The following MINDY2 variants were observed in gnomAD, a reference collection of about 807,000 sequenced individuals.
The protein encoded by MINDY2 is MINDY lysine 48 deubiquitinase 2, also known as ubiquitin carboxyl-terminal hydrolase MINDY-2.
MINDY2 carries 52 observed loss-of-function variants against 68.2 expected under a neutral mutation model. That is an observed-to-expected ratio of 0.76 (90% CI 0.61 to 0.96). MINDY2 has a LOEUF of 0.96. Among genes scored for constraint, MINDY2 ranks in the 40% least tolerant of loss-of-function variants. The probability of loss-of-function intolerance (pLI) is 0.00; values close to 1 mark genes in which losing one functional copy is unlikely to be tolerated. For missense variants in MINDY2, 881 were observed against 773.4 expected, an observed-to-expected ratio of 1.14 and a Z score of -1.65; for synonymous variants, 372 against 303.0, an observed-to-expected ratio of 1.23 and a Z score of -2.36.
chr15:58,774,344 C>A (rs775085372), intron 1 of MINDY2, among the ~76,000 whole-genome samples: 1 of 151,934 alleles, frequency 6.6e-6, no homozygotes, highest in Non-Finnish European at 1.5e-5. Context: ...ATTAGACGGG[C>A]ATGGTGGTGG....
rs1445126042 is a variant in MINDY2, at chr15:58,855,895, G to A, written c.*1285G>A. On this transcript the variant is annotated 3_prime_UTR_variant, in exon 9 of 9. Coordinates refer to ENST00000559228, the MANE Select transcript of MINDY2 (RefSeq NM_001040450.3). ...AGATCGCCCTGCTGCACTCCAGCCT[G>A]GGTGACAGAGGGAGACTCCGTCTCA... 3 of 152,428 alleles carry A rather than the reference G, an allele frequency of 2.0e-5. No individual in the cohort carries two copies. The highest frequency in any genetic ancestry group is 7.2e-5 in the African/African-American group (3 of 41,412). 9.4% of individuals were successfully genotyped at this position (152,428 alleles called of 1,614,324 possible). A position where few individuals can be genotyped will look rare whatever the true frequency, so the allele number is the denominator to read the frequency against.
chr15:58,775,882 A>G (rs1270802792), intron 1 of MINDY2, among the ~76,000 whole-genome samples: 2 of 143,540 alleles, frequency 1.4e-5, no homozygotes, highest in African/African-American at 5.3e-5. Context: ...TTTTTTTGAG[A>G]CAGAGTCTCA....
intron 2 of MINDY2, among the ~76,000 whole-genome samples, chr15:58,790,995 C>T (rs1201884933): frequency 1.3e-5 from 2 of 151,324 alleles, no homozygotes; most frequent in East Asian, 1.9e-4. Context: ...CTGGCTAACA[C>T]GGTGAAACCC....
chr15:58,849,013 C>T (rs1229596480), intron 7 of MINDY2, among the ~76,000 whole-genome samples: 1 of 151,898 alleles, frequency 6.6e-6, no homozygotes, highest in Non-Finnish European at 1.5e-5. Context: ...AGTTCAAGAC[C>T]AGCCTGGCCA....
intron 6 of MINDY2, among the ~76,000 whole-genome samples, chr15:58,841,039 T>A (rs1362769456): frequency 6.6e-6 from 1 of 151,052 alleles, no homozygotes; most frequent in East Asian, 1.9e-4. Context: ...TAGAGTGCAG[T>A]GGCATGATCT....
At position 58,851,903 on chromosome 15, in the gene MINDY2, C is replaced by G. The variant is rs758469829; in HGVS notation, c.1675C>G (p.Gln559Glu). ...AGAGGAAGAGGACAGACGGGCTTCT[C>G]AATACTATCAGGAACAGGAACAAGC... Reference protein sequence around the residue: ...LQEEEDRRASQYYQEQEQAAA... With the variant: ...LQEEEDRRASEYYQEQEQAAA... Residue 559 changes from glutamine (Q) to glutamate (E), a missense_variant, in exon 8 of 9, where the codon CAA becomes GAA. Transcript: ENST00000559228. 3 of 1,611,388 alleles carry G rather than the reference C, an allele frequency of 1.9e-6. No homozygotes were observed. In the African/African-American group the frequency reaches 4.0e-5, roughly 22 times the overall value.
chr15:58,843,176 G>C (rs1293214325), intron 6 of MINDY2, among the ~76,000 whole-genome samples: 1 of 152,136 alleles, frequency 6.6e-6, no homozygotes, highest in African/African-American at 2.4e-5. Context: ...TTGAGACAGA[G>C]TCTCGCTCTG....
chr15:58,854,293 A>C (rs1212105042), intron 8 of MINDY2, among the ~76,000 whole-genome samples, 189 bp from the exon 9 acceptor site: 14 of 152,244 alleles, frequency 9.2e-5, no homozygotes, highest in African/African-American at 1.2e-4. Context: ...TAATGAATAC[A>C]TTAATTATAT....
chr15:58,812,273 T>TA (rs2140978424), intron 4 of MINDY2, among the ~76,000 whole-genome samples: 1 of 151,612 alleles, frequency 6.6e-6, no homozygotes, highest in African/African-American at 2.4e-5. Context: ...CTGTGTCTAC[T>TA]AAAAAATACA....
chr15:58,811,728 A>G (rs190382719), intron 4 of MINDY2, among the ~76,000 whole-genome samples: 7 of 152,324 alleles, frequency 4.6e-5, no homozygotes, highest in African/African-American at 1.4e-4. Context: ...GCCAAATTCA[A>G]CTGATTATTA....
chr15:58,822,708 G>C (rs960860842), intron 5 of MINDY2, among the ~76,000 whole-genome samples: 6 of 152,154 alleles, frequency 3.9e-5, no homozygotes, highest in African/African-American at 1.4e-4. Flanking sequence ...GATGAGAAAA[G>C]GAGATTTGAA....
At chr15:58,816,697 A>G (rs2030709561) in intron 4 of MINDY2, among the ~76,000 whole-genome samples, 1 of 152,228 alleles carries the variant, frequency 6.6e-6, no homozygotes. Flanking sequence ...CAATCCTTTA[A>G]ACAAAAGGTT....
In MINDY2 at chr15:58,854,838, A is replaced by T. The variant is rs442321; in HGVS notation, c.*228A>T. On this transcript the variant is annotated 3_prime_UTR_variant, in exon 9 of 9. Coordinates refer to ENST00000559228, the MANE Select transcript of MINDY2 (RefSeq NM_001040450.3). ...TACAAGTTGGAAATGCTGTGTGTTGACATTCATGAAAAATACTGCACTTGT... is the reference window on the plus strand; with the variant it reads ...TACAAGTTGGAAATGCTGTGTGTTGTCATTCATGAAAAATACTGCACTTGT... The T allele has an allele frequency of 0.98, 345,548 of 353,168 alleles. 169,318 individuals are homozygous for T. The highest frequency in any genetic ancestry group is 1 in the East Asian group (18,400 of 18,402). 21.9% of individuals were successfully genotyped at this position (353,168 alleles called of 1,614,324 possible).
chr15:58,845,468 T>C (rs1358279285), intron 6 of MINDY2, among the ~76,000 whole-genome samples: 2 of 152,176 alleles, frequency 1.3e-5, no homozygotes, highest in Non-Finnish European at 2.9e-5. Context: ...TCACTGGTCA[T>C]CTGAGAAATG....
At chr15:58,833,075 A>G (rs1476939637) in intron 6 of MINDY2, among the ~76,000 whole-genome samples, 1 of 152,106 alleles carries the variant, frequency 6.6e-6, no homozygotes, top group African/African-American at 2.4e-5. Flanking sequence ...TCTTATAGCC[A>G]TTCTTTTTGT....
At chr15:58,849,934 G>T (rs1194344193) in intron 7 of MINDY2, among the ~76,000 whole-genome samples, 1 of 152,032 alleles carries the variant, frequency 6.6e-6, no homozygotes, top group African/African-American at 2.4e-5. Flanking sequence ...GCAGGGTTTC[G>T]CCATGTTACC....
At position 58,771,891 on chromosome 15, in the gene MINDY2, C is replaced by A; in HGVS notation, c.496C>A (p.Pro166Thr). 1 of 1,563,004 alleles carries A rather than the reference C, an allele frequency of 6.4e-7. No homozygotes were observed. Among genetic ancestry groups the A allele is most frequent in the Non-Finnish European group, 8.6e-7 (1 of 1,156,886 alleles). The part of the protein sequence containing the change: ...GLSSSCSDPS[P>T]PGESPSLDSL... ...CAGCAGCAGTTGCAGCGACCCGAGCCCTCCTGGGGAATCTCCGAGCCTGGA... is the reference window on the plus strand; with the variant it reads ...CAGCAGCAGTTGCAGCGACCCGAGCACTCCTGGGGAATCTCCGAGCCTGGA... Residue 166 changes from proline (P) to threonine (T), a missense_variant, in exon 1 of 9, where the codon CCT (proline) becomes ACT (threonine). Transcript: ENST00000559228.
chr15:58,795,965 A>T (rs1412129517), intron 2 of MINDY2: 2 of 372,918 alleles, frequency 5.4e-6, no homozygotes, highest in Non-Finnish European at 1.1e-5. Context: ...GTTAGAAGAA[A>T]GGAGAAAGGG....
At chr15:58,816,515 C>T (rs1257006406) in intron 4 of MINDY2, among the ~76,000 whole-genome samples, 1 of 152,010 alleles carries the variant, frequency 6.6e-6, no homozygotes, top group African/African-American at 2.4e-5. Flanking sequence ...AAGGAATCCT[C>T]CCACCTCAGC....
Sources: allele counts gnomAD v4.1 joint callset (sites outside exome capture counted in the v4.1 genomes callset), GRCh38; gene constraint gnomAD v4.1.1; transcripts MANE v1.5; gene names NCBI Gene and HGNC (gene_info 2026-07-23, HGNC 2026-07-21).